The following BPIFB4 variants were observed in gnomAD, a reference collection of about 807,000 sequenced individuals.
BPIFB4 encodes BPI fold-containing family B member 4.
BPIFB4 carries 62 observed loss-of-function variants against 69.2 expected under a neutral mutation model. The ratio of observed to expected loss-of-function variants is 0.90; its 90% CI spans 0.73 to 1.11. BPIFB4 has a LOEUF of 1.11. Ranked by LOEUF, BPIFB4 falls within the 50% of genes least tolerant of loss-of-function variation. The pLI, the probability that BPIFB4 is intolerant of heterozygous loss-of-function variation, is 0.00. For synonymous variants in BPIFB4, 330 were observed against 332.7 expected (o/e 0.99, Z 0.09); for missense variants, 789 against 792.0 (o/e 1.00, Z 0.04).
At chr20:33,085,029 C>G (rs1291978013) in intron 6 of BPIFB4, 33 bp downstream of exon 6, 2 of 1,596,574 alleles carry the variant, frequency 1.3e-6, no homozygotes, top group South Asian at 2.2e-5. Context: ...GGGTCCCCAC[C>G]ACCCTATGGC....
intron 7 of BPIFB4, among the ~76,000 whole-genome samples, chr20:33,087,742 ACACACACACAC>A (rs1600554982): frequency 6.8e-6 from 1 of 147,378 alleles, no homozygotes; most frequent in African/African-American, 2.5e-5. Context: ...ACACACACAC[ACACACACACAC>A]AAGCATGCAT....
intron 10 of BPIFB4, among the ~76,000 whole-genome samples, chr20:33,091,997 G>C (rs1001517012): frequency 1.3e-5 from 2 of 152,172 alleles, no homozygotes; most frequent in Non-Finnish European, 2.9e-5. Context: ...CTGTGGGAAG[G>C]CTCCATGGTG....
chr20:33,085,058 A>G, intron 6 of BPIFB4, 62 bp downstream of exon 6: 1 of 1,565,686 alleles, frequency 6.4e-7, no homozygotes, highest in Non-Finnish European at 8.6e-7. Context: ...TGTATCCATA[A>G]CACAGAGGCT....
At chr20:33,103,388 T>C (rs1981958910) in intron 15 of BPIFB4, among the ~76,000 whole-genome samples, 1 of 152,242 alleles carries the variant, frequency 6.6e-6, no homozygotes, top group Non-Finnish European at 1.5e-5. Flanking sequence ...CTGACTCCTG[T>C]GTGACCTTGA....
Position 33,107,643 on chromosome 20 carries a change from G to A in BPIFB4, c.1745-101G>A, listed in dbSNP as rs901575117. The A allele has an allele frequency of 9.8e-6, 9 of 913,738 alleles. No individual in the cohort carries two copies. In the African/African-American group the frequency reaches 1.5e-4, roughly 15 times the overall value. The allele number at this position is 913,738 out of a possible 1,614,324, so 56.6% of individuals were successfully genotyped here. On this transcript the variant is annotated intron_variant, in intron 16 of 17. Coordinates refer to ENST00000375483, the MANE Select transcript of BPIFB4 (RefSeq NM_182519.3). ...AGAGCGAGACTCTGTCTCAAAAAAA[G>A]AAAAAAGAAATTGCCAATCTTCTTA...
chr20:33,082,268 T>TACA (rs1361218331), intron 3 of BPIFB4, among the ~76,000 whole-genome samples: 2 of 152,222 alleles, frequency 1.3e-5, no homozygotes, highest in Non-Finnish European at 2.9e-5. Flanking sequence ...ATCAGACGGG[T>TACA]ACACTTCTGG....
At chr20:33,107,275 GGAAAA>G (rs200246446) in intron 16 of BPIFB4, among the ~76,000 whole-genome samples, 2,568 of 126,830 alleles carry the variant, frequency 0.02, 84 homozygotes, top group African/African-American at 0.067. Context: ...AAGAGAAAAG[GGAAAA>G]GAAAAGAAAA....
chr20:33,107,969 T>G (rs1982119263), intron 17 of BPIFB4, 149 bp downstream of exon 17: 1 of 692,966 alleles, frequency 1.4e-6, no homozygotes, highest in Non-Finnish European at 2.5e-6. Context: ...AGCATGGGGC[T>G]GAGGGAACAA....
intron 17 of BPIFB4, among the ~76,000 whole-genome samples, chr20:33,108,054 G>A (rs944073051): frequency 6.6e-5 from 10 of 152,182 alleles, no homozygotes; most frequent in Non-Finnish European, 1.2e-4. Context: ...AGGTGTCATT[G>A]TTGCCATCTT....
At chr20:33,108,650 C>T (rs1982146531) in intron 17 of BPIFB4, among the ~76,000 whole-genome samples, 1 of 152,008 alleles carries the variant, frequency 6.6e-6, no homozygotes. Flanking sequence ...CATTTATTTC[C>T]TCTATAAAAA....
At chr20:33,094,915 C>T (rs944513975) in intron 11 of BPIFB4, among the ~76,000 whole-genome samples, 185 bp from the exon 12 acceptor site, 23 of 152,290 alleles carry the variant, frequency 1.5e-4, no homozygotes, top group African/African-American at 5.1e-4. Context: ...AAACTGGCTA[C>T]GGTGATCTGC....
In BPIFB4 at chr20:33,083,592, GCC is replaced by G; in HGVS notation, c.396_397del (p.His133GlnfsTer48). 6.2e-7 allele frequency: 1 copy of G among 1,614,044 alleles called. No individual in the cohort carries two copies. The highest frequency in any genetic ancestry group is 8.5e-7 in the Non-Finnish European group (1 of 1,179,970). ...CGCAGTGCCGAGAATGCATATGGAG[GCC>G]ACAGGGGCCTCGGGCGATACAGGGC... On this transcript the variant is annotated frameshift_variant, in exon 5 of 18. Coordinates refer to ENST00000375483, the MANE Select transcript of BPIFB4 (RefSeq NM_182519.3). LOFTEE classifies it high-confidence loss of function.
intron 7 of BPIFB4, among the ~76,000 whole-genome samples, chr20:33,087,084 C>G (rs923500564): frequency 6.6e-6 from 1 of 152,140 alleles, no homozygotes; most frequent in Non-Finnish European, 1.5e-5. Context: ...ACGATGGAGG[C>G]AAAGAAAATC....
At chr20:33,085,457 A>G (rs1235822937) in intron 6 of BPIFB4, among the ~76,000 whole-genome samples, 2 of 152,132 alleles carry the variant, frequency 1.3e-5, no homozygotes, top group African/African-American at 2.4e-5. Context: ...CTCCATCTCA[A>G]AATAAATACA....
At chr20:33,109,288 ATCT>A (rs1242262828) in intron 17 of BPIFB4, among the ~76,000 whole-genome samples, 3 of 150,512 alleles carry the variant, frequency 2.0e-5, no homozygotes, top group Non-Finnish European at 4.5e-5. Flanking sequence ...GCACAGGTTT[ATCT>A]TCATCATCAT....
intron 11 of BPIFB4, among the ~76,000 whole-genome samples, chr20:33,093,106 G>A (rs991217542): frequency 3.9e-5 from 6 of 152,064 alleles, no homozygotes; most frequent in Non-Finnish European, 7.4e-5. Context: ...CAAGGCTTCA[G>A]AAAAGTTGCA....
At chr20:33,107,686 T>C in intron 16 of BPIFB4, 58 bp from the exon 17 acceptor site, 1 of 1,320,398 alleles carries the variant, frequency 7.6e-7, no homozygotes, top group Non-Finnish European at 1.1e-6. Context: ...TGGCGGCTTC[T>C]GGTGAGACCA....
rs568959063 is a variant in BPIFB4 at position 33,088,199 on chromosome 20, G to A, written c.927-767G>A. Among the ~76,000 whole-genome samples, 9 of 152,042 alleles carry A rather than the reference G, an allele frequency of 5.9e-5. No individual in the cohort carries two copies. The South Asian group carries it at 8.3e-4, about 14-fold the overall frequency. On this transcript the variant is annotated intron_variant, in intron 7 of 17. Coordinates refer to ENST00000375483, the MANE Select transcript of BPIFB4 (RefSeq NM_182519.3). ...GCTTGGGAGGGTTAGTTAAGAGCTG[G>A]GTACAGTTATGTGCACCTGTAGTCC...
intron 17 of BPIFB4, among the ~76,000 whole-genome samples, chr20:33,108,367 G>T (rs1398953037): frequency 7.1e-6 from 1 of 141,832 alleles, no homozygotes; most frequent in Non-Finnish European, 1.5e-5. Flanking sequence ...CTCAATATCT[G>T]AAATTTGGAA....
Sources: allele counts gnomAD v4.1 joint callset (sites outside exome capture counted in the v4.1 genomes callset), GRCh38; gene constraint gnomAD v4.1.1; transcripts MANE v1.5; gene names NCBI Gene and HGNC (gene_info 2026-07-23, HGNC 2026-07-21).